The following ACYP2 variants were observed in gnomAD, a reference collection of about 807,000 sequenced individuals.
ACYP2 encodes acylphosphatase 2.
In ACYP2, 12 loss-of-function variants were observed where a neutral mutation model predicts 11.2. The ratio of observed to expected loss-of-function variants is 1.08; its 90% CI spans 0.69 to 1.74. The LOEUF (loss-of-function observed/expected upper bound fraction) is 1.74, where lower values mean the gene tolerates loss of function less well. Ranked by LOEUF, ACYP2 falls within the 40% of genes most tolerant of loss-of-function variation. ACYP2 has a pLI of 0.00. For synonymous variants in ACYP2, 43 were observed against 32.2 expected (o/e 1.33, Z -1.13); for missense variants, 134 against 101.9 (o/e 1.31, Z -1.35).
chr2:54,074,026 G>C (rs7604357), intron 4 of ACYP2, among the ~76,000 whole-genome samples: 58,379 of 152,016 alleles, frequency 0.38, 11,956 homozygotes, highest in East Asian at 0.71. Flanking sequence ...CAATTCCACT[G>C]CTAGGTATAT....
intron 6 of ACYP2, among the ~76,000 whole-genome samples, chr2:54,146,120 G>C (rs1416448623): frequency 6.6e-6 from 1 of 152,190 alleles, no homozygotes; most frequent in Non-Finnish European, 1.5e-5. Flanking sequence ...TTGACTGATT[G>C]ACTTACAAAA....
At chr2:54,193,260 G>C (rs1487256662) in intron 6 of ACYP2, among the ~76,000 whole-genome samples, 2 of 151,946 alleles carry the variant, frequency 1.3e-5, no homozygotes, top group Non-Finnish European at 2.9e-5. Flanking sequence ...AAGAAGAAGT[G>C]GTAACATTTG....
chr2:54,298,614 C>T (rs1454395316), intron 6 of ACYP2, among the ~76,000 whole-genome samples: 1 of 152,170 alleles, frequency 6.6e-6, no homozygotes, highest in African/African-American at 2.4e-5. Context: ...CAGTGGAAAT[C>T]CCTCAAGGCT....
intron 2 of ACYP2, among the ~76,000 whole-genome samples, chr2:53,997,392 G>A (rs1672621345): frequency 6.6e-6 from 1 of 152,046 alleles, no homozygotes; most frequent in South Asian, 2.1e-4. Context: ...TACAACCTCT[G>A]CCTTCCGGCT....
At chr2:54,122,534 A>G (rs1680220396) in intron 4 of ACYP2, among the ~76,000 whole-genome samples, 1 of 152,236 alleles carries the variant, frequency 6.6e-6, no homozygotes, top group South Asian at 2.1e-4. Context: ...AGGCCACGAA[A>G]GCCCATAGAT....
intron 6 of ACYP2, among the ~76,000 whole-genome samples, chr2:54,248,698 A>G (rs1466501008): frequency 2.0e-5 from 3 of 152,182 alleles, no homozygotes; most frequent in African/African-American, 7.2e-5. Flanking sequence ...TGTCTTACTC[A>G]TCACCGAAGA....
At chr2:54,167,234 G>A (rs1343353496) in intron 6 of ACYP2, among the ~76,000 whole-genome samples, 3 of 152,130 alleles carry the variant, frequency 2.0e-5, no homozygotes, top group African/African-American at 4.8e-5. Context: ...TATCTAACAT[G>A]TTCATTGTTT....
intron 2 of ACYP2, among the ~76,000 whole-genome samples, chr2:53,986,783 C>T (rs756561690): frequency 9.9e-5 from 15 of 151,928 alleles, no homozygotes; most frequent in Non-Finnish European, 2.1e-4. Context: ...CACCACCATG[C>T]CCAGGTAATT....
At chr2:54,131,902 G>T (rs1285261906) in intron 4 of ACYP2, among the ~76,000 whole-genome samples, 2 of 152,080 alleles carry the variant, frequency 1.3e-5, no homozygotes, top group African/African-American at 4.8e-5. Flanking sequence ...TGGAGGAGGG[G>T]CCCAAGAATT....
chr2:54,105,436 C>G (rs1456983509), intron 4 of ACYP2, among the ~76,000 whole-genome samples: 1 of 152,060 alleles, frequency 6.6e-6, no homozygotes, highest in African/African-American at 2.4e-5. Context: ...CAGACAACCT[C>G]TCTAAGCCCT....
At chr2:54,083,367 A>T (rs1449066100) in intron 4 of ACYP2, among the ~76,000 whole-genome samples, 2 of 152,214 alleles carry the variant, frequency 1.3e-5, no homozygotes, top group African/African-American at 2.4e-5. Context: ...ATTCTAGTTG[A>T]AGCTCTGATG....
chr2:54,274,473 T>A (rs1688456216), intron 6 of ACYP2, among the ~76,000 whole-genome samples: 1 of 151,696 alleles, frequency 6.6e-6, no homozygotes. Flanking sequence ...AGCCCATTTC[T>A]ACAAAATAAA....
At chr2:54,127,099 CTT>C (rs34900505) in intron 4 of ACYP2, among the ~76,000 whole-genome samples, 72 of 131,114 alleles carry the variant, frequency 5.5e-4, no homozygotes, top group African/African-American at 1.1e-3. Flanking sequence ...TGAATAGCTG[CTT>C]TTTTTTTTTT....
At chr2:54,144,384 T>TA (rs1471937270) in intron 6 of ACYP2, among the ~76,000 whole-genome samples, 153 of 152,168 alleles carry the variant, frequency 1.0e-3, no homozygotes, top group African/African-American at 3.4e-3. Context: ...TTTTATAATT[T>TA]AAAAAATCTC....
chr2:54,284,208 A>C (rs568597147), intron 6 of ACYP2, among the ~76,000 whole-genome samples: 1 of 151,856 alleles, frequency 6.6e-6, no homozygotes, highest in Non-Finnish European at 1.5e-5. Flanking sequence ...AAGCATCCAC[A>C]TGCTTGTAGG....
chr2:54,208,807 C>A (rs1685203279), intron 6 of ACYP2, among the ~76,000 whole-genome samples: 1 of 151,534 alleles, frequency 6.6e-6, no homozygotes, highest in South Asian at 2.1e-4. Flanking sequence ...TGTCATAAAT[C>A]AAATTTTATG....
intron 2 of ACYP2, among the ~76,000 whole-genome samples, chr2:54,043,047 C>T (rs1675322128): frequency 1.3e-5 from 2 of 151,732 alleles, no homozygotes; most frequent in Non-Finnish European, 1.5e-5. Context: ...GGCCAGGGAC[C>T]TTGGTTAATA....
chr2:54,115,603 C>A lies in ACYP2; in HGVS notation c.278-19850C>A, dbSNP rs777234817. The stretch of plus-strand genomic sequence containing the variant: ...GGACCGGTGACAGGCGCGGGGTGCG[C>A]CAAGCAGTCCCATGTGTCCCCTCCC... On this transcript the variant is annotated intron_variant, in intron 4 of 6. Coordinates refer to ENST00000607452, the MANE Select transcript of ACYP2 (RefSeq NM_001320586.2). 7.9e-5 allele frequency: 123 copies of A among 1,550,680 alleles called. No homozygotes were observed. The highest frequency in any genetic ancestry group is 1.1e-4 in the Non-Finnish European group (122 of 1,147,610).
intron 6 of ACYP2, among the ~76,000 whole-genome samples, chr2:54,266,590 CTTTTTTTTTTTTTTTTT>C (rs138812389): frequency 5.0e-4 from 26 of 52,272 alleles, no homozygotes; most frequent in African/African-American, 1.4e-3. Flanking sequence ...ATCTATCTAT[CTTTTTTTTTTTTTTTTT>C]TTTTTTTTTT....
Sources: gnomAD v4.1 joint callset for allele counts (sites outside exome capture counted in the v4.1 genomes callset) on GRCh38, gnomAD v4.1.1 for gene constraint, MANE v1.5 for transcripts, NCBI Gene and HGNC (gene_info 2026-07-23, HGNC 2026-07-21) for gene names.